The following ANKRD60 variants were observed in gnomAD, a reference collection of about 807,000 sequenced individuals.
The protein encoded by ANKRD60 is ankyrin repeat domain 60, also known as ankyrin repeat domain-containing protein 60.
A neutral mutation model predicts 21.3 loss-of-function variants in ANKRD60; 24 were observed. The ratio of observed to expected loss-of-function variants is 1.13; its 90% CI spans 0.82 to 1.59. ANKRD60 has a LOEUF of 1.59. Among genes scored for constraint, ANKRD60 ranks in the 40% most tolerant of loss-of-function variants. The pLI is 0.00. For synonymous variants in ANKRD60, 182 were observed against 199.4 expected (o/e 0.91, Z 0.74); for missense variants, 490 against 466.7 (o/e 1.05, Z -0.46).
chr20:58,227,442 T>C (rs1984387871), intron 1 of ANKRD60, among the ~76,000 whole-genome samples: 1 of 151,762 alleles, frequency 6.6e-6, no homozygotes, highest in African/African-American at 2.4e-5. Context: ...AGCCTGGAGA[T>C]TTGGGGTTCA....
chr20:58,222,459 C>A (rs906865733), intron 2 of ANKRD60, among the ~76,000 whole-genome samples: 1 of 152,220 alleles, frequency 6.6e-6, no homozygotes, highest in Non-Finnish European at 1.5e-5. Flanking sequence ...GCTTTCCATC[C>A]GAATTTCTTT....
chr20:58,217,928 G>T (rs1358852669), downstream of ANKRD60, among the ~76,000 whole-genome samples: 1 of 152,154 alleles, frequency 6.6e-6, no homozygotes, highest in Non-Finnish European at 1.5e-5. Flanking sequence ...CCCTTCTGGA[G>T]AGTGTGTGTG....
Position 58,228,419 on chromosome 20 carries a change from C to T in ANKRD60, c.235G>A (p.Asp79Asn). The change falls in exon 1 of 4, where the codon GAC (aspartate) becomes AAC (asparagine). Residue 79 changes from aspartate to asparagine, a missense_variant. Transcript: ENST00000457363. This position sits in a 1 kb window ranked among gnomAD's most constrained non-coding sequence, Gnocchi z 5.3. ...GGCAAGGCACTCGCGGCCTTCGGGT[C>T]ACAGACGAGCCGCTGGCTCCGGCCG... is the stretch of plus-strand genomic sequence containing the variant. 1 of 1,541,680 alleles carries T rather than the reference C, an allele frequency of 6.5e-7. No homozygotes were observed. Among genetic ancestry groups the T allele is most frequent in the Non-Finnish European group, 8.7e-7 (1 of 1,146,114 alleles).
intron 2 of ANKRD60, 59 bp downstream of exon 2, chr20:58,222,993 C>T: frequency 1.3e-6 from 2 of 1,494,992 alleles, no homozygotes; most frequent in South Asian, 1.3e-5. Context: ...TAATTTTCCC[C>T]CCACAATTTA....
At chr20:58,217,060 A>C (rs551649120), downstream of ANKRD60, among the ~76,000 whole-genome samples, 57 of 152,352 alleles carry the variant, frequency 3.7e-4, no homozygotes, top group African/African-American at 1.3e-3. Flanking sequence ...AGGCAGTCAC[A>C]TGGGTGTGCC....
At position 58,228,646 on chromosome 20, in the gene ANKRD60, C is replaced by A; in HGVS notation, c.8G>T (p.Arg3Leu). ...CCGCCGCATCCCCCAGGCGCGGCCG[C>A]GCGTCATCCGCGGCTCGAGTGCGGT... is the stretch of plus-strand genomic sequence containing the variant. The change falls in exon 1 of 4, where the codon CGC (arginine) becomes CTC (leucine). Residue 3 changes from arginine (R) to leucine (L), a missense_variant. Physicochemically the swap from Arg to Leu is moderately radical, Grantham distance 102. Transcript: ENST00000457363. This position sits in a 1 kb window ranked among gnomAD's most constrained non-coding sequence, Gnocchi z 5.3. The A allele has an allele frequency of 1.0e-6, 1 of 997,054 alleles. No homozygotes were observed. Among genetic ancestry groups the A allele is most frequent in the Non-Finnish European group, 1.2e-6 (1 of 832,946 alleles). The allele number at this position is 997,054 out of a possible 1,614,324, so 61.8% of individuals were successfully genotyped here.
In ANKRD60 at chr20:58,228,340, T is replaced by TC. The variant is rs1049113698; in HGVS notation, c.313dup (p.Glu105GlyfsTer45). 12 of 1,550,096 alleles carry TC rather than the reference T, an allele frequency of 7.7e-6. No individual in the cohort carries two copies. In the Admixed American group the frequency reaches 2.0e-4, roughly 25 times the overall value. On this transcript the variant is annotated frameshift_variant, in exon 1 of 4. Transcript: ENST00000457363. LOFTEE classifies it high-confidence loss of function. This position sits in a 1 kb window ranked among gnomAD's most constrained non-coding sequence, Gnocchi z 5.3. The stretch of plus-strand genomic sequence containing the variant: ...GCGGCAGTTTGCCACTCGGAACATC[T>TC]CCCCCGTCTCCTCCAGCCGCACCCG...
Position 58,224,070 on chromosome 20 carries a change from C to T in ANKRD60, c.431-888G>A, listed in dbSNP as rs147711955. Among the ~76,000 whole-genome samples, 1,121 of 152,140 alleles carry T rather than the reference C, an allele frequency of 7.4e-3. 15 individuals carry two copies. Among genetic ancestry groups the T allele is most frequent in the Middle Eastern group, 0.027 (8 of 294 alleles). ...TGAGCCAAGATTACACCACTGCATTCCAGCCTGGGCAATAGAGTGAAACCC... is the reference window on the plus strand; with the variant it reads ...TGAGCCAAGATTACACCACTGCATTTCAGCCTGGGCAATAGAGTGAAACCC... On this transcript the variant is annotated intron_variant, in intron 1 of 3. Transcript: ENST00000457363.
chr20:58,220,913 A>AC lies in ANKRD60; in HGVS notation c.727+424_727+425insG, dbSNP rs1188437394. ...CTTCCAAAGTGCTGAGATTACAGGCATGAGCCACCGTGCCTGGCCAGAGGC... is the reference window on the plus strand; with the variant it reads ...CTTCCAAAGTGCTGAGATTACAGGCACTGAGCCACCGTGCCTGGCCAGAGGC... On this transcript the variant is annotated intron_variant, in intron 3 of 3. Coordinates refer to ENST00000457363, the Ensembl canonical transcript of ANKRD60. Among the ~76,000 whole-genome samples the AC allele has an allele frequency of 5.3e-5, 8 of 152,262 alleles. 1 individual carries two copies. The East Asian group carries it at 1.2e-3, about 22-fold the overall frequency.
intron 3 of ANKRD60, among the ~76,000 whole-genome samples, chr20:58,220,019 G>A (rs1357003427): frequency 6.6e-6 from 1 of 152,206 alleles, no homozygotes; most frequent in Non-Finnish European, 1.5e-5. Flanking sequence ...CCGATGCACG[G>A]CCCAATCATC....
chr20:58,221,083 A>T (rs1476631063), intron 3 of ANKRD60, among the ~76,000 whole-genome samples: 2 of 152,058 alleles, frequency 1.3e-5, no homozygotes, highest in African/African-American at 4.8e-5. Flanking sequence ...TGGGTCCTGA[A>T]ATTTCTGCCT....
rs1283985604 is a variant in ANKRD60, at chr20:58,223,218, G to A, written c.431-36C>T. 7 of 1,519,382 alleles carry A rather than the reference G, an allele frequency of 4.6e-6. No homozygotes were observed. In the East Asian group the frequency reaches 9.9e-5, roughly 21 times the overall value. The allele number at this position is 1,519,382 out of a possible 1,614,324, so 94.1% of individuals were successfully genotyped here. A position where few individuals can be genotyped will look rare whatever the true frequency, so the allele number is the denominator to read the frequency against. ...AAATTTTTTTTCTTTTAAAAAATTG[G>A]GTATTAAAGATAAACTACTACATTG... On this transcript the variant is annotated intron_variant, in intron 1 of 3. Transcript: ENST00000457363.
Position 58,221,508 on chromosome 20 carries a change from G to A in ANKRD60, c.562-5C>T. The A allele has an allele frequency of 6.4e-7, 1 of 1,551,402 alleles. No individual in the cohort carries two copies. Among genetic ancestry groups the A allele is most frequent in the Non-Finnish European group, 8.7e-7 (1 of 1,146,820 alleles). On this transcript the variant is annotated splice_region_variant and splice_polypyrimidine_tract_variant and intron_variant, in intron 2 of 3. Transcript: ENST00000457363. ...AGTAAGCCCGAGACAAGATAGCTGG[G>A]CAAGACAAGAGGAGTTTGAGTTATT...
chr20:58,218,766 G>A, exon 4 of ANKRD60: 1 of 1,550,532 alleles, frequency 6.4e-7, no homozygotes, highest in Non-Finnish European at 8.7e-7. Context: ...CACATGCAGG[G>A]GTGTCCTGCC....
downstream of ANKRD60, among the ~76,000 whole-genome samples, chr20:58,217,557 C>T (rs1756513745): frequency 6.6e-6 from 1 of 152,134 alleles, no homozygotes; most frequent in African/African-American, 2.4e-5. Flanking sequence ...GTGCTCTCTT[C>T]AGACAGCTGG....
Position 58,228,303 on chromosome 20 carries a change from G to T in ANKRD60, c.351C>A (p.Thr117=), listed in dbSNP as rs573814712. 6.4e-7 allele frequency: 1 copy of T among 1,551,236 alleles called. No individual in the cohort carries two copies. The highest frequency in any genetic ancestry group is 1.4e-5 in the African/African-American group (1 of 73,036). ...CCAGCTCCTCTTTGAGCTCCCGCAC[G>T]GTCATGTCGCCGCGGCAGTTTGCCA... is the stretch of plus-strand genomic sequence containing the variant. Residue 117 remains threonine, a synonymous_variant, in exon 1 of 4, where the codon ACC becomes ACA. Coordinates refer to ENST00000457363, the Ensembl canonical transcript of ANKRD60. The surrounding 1 kb of genome is among the most constrained non-coding windows in gnomAD (Gnocchi z 5.3).
chr20:58,223,147 C>A, exon 2 of ANKRD60: 1 of 1,551,462 alleles, frequency 6.4e-7, no homozygotes, highest in Middle Eastern at 1.7e-4. Flanking sequence ...GGAACAACAT[C>A]ATGGAACTTC....
At chr20:58,219,781 C>T (rs1210011834) in intron 3 of ANKRD60, among the ~76,000 whole-genome samples, 1 of 152,200 alleles carries the variant, frequency 6.6e-6, no homozygotes, top group Admixed American at 6.5e-5. Context: ...CAGCAGCTGT[C>T]TGCAGAGGAC....
downstream of ANKRD60, among the ~76,000 whole-genome samples, chr20:58,216,858 A>C (rs117751676): frequency 6.6e-6 from 1 of 152,178 alleles, no homozygotes; most frequent in Non-Finnish European, 1.5e-5. Flanking sequence ...TTGATTCCAA[A>C]AGTTGCTTAG....
Sources: allele counts gnomAD v4.1 joint callset (sites outside exome capture counted in the v4.1 genomes callset), GRCh38; gene constraint gnomAD v4.1.1; non-coding constraint Gnocchi (gnomAD v3.1); transcripts MANE v1.5; gene names NCBI Gene and HGNC (gene_info 2026-07-23, HGNC 2026-07-21).